ZNF679: variants seen among roughly 807,000 people sequenced by gnomAD.
The protein encoded by ZNF679 is hypothetical protein MGC42415.
A neutral mutation model predicts 13.4 loss-of-function variants in ZNF679; 10 were observed. That is an observed-to-expected ratio of 0.75 (90% CI 0.46 to 1.27). The LOEUF is 1.27. Ranked by LOEUF, ZNF679 falls within the 50% of genes most tolerant of loss-of-function variation. The pLI, the probability that ZNF679 is intolerant of heterozygous loss-of-function variation, is 0.00. For synonymous variants in ZNF679, 179 were observed against 162.5 expected, an observed-to-expected ratio of 1.10 and a Z score of -0.77; for missense variants, 525 against 477.8, an observed-to-expected ratio of 1.10 and a Z score of -0.92.
At chr7:64,246,037 T>C (rs1403095818) in intron 1 of ZNF679, among the ~76,000 whole-genome samples, 1 of 152,060 alleles carries the variant, frequency 6.6e-6, no homozygotes, top group Non-Finnish European at 1.5e-5. Flanking sequence ...AAGACAATAG[T>C]GGTTAAAGTT....
At chr7:64,236,652 C>T (rs939305693) in intron 1 of ZNF679, among the ~76,000 whole-genome samples, 20 of 151,678 alleles carry the variant, frequency 1.3e-4, no homozygotes, top group African/African-American at 4.4e-4. Flanking sequence ...GTGTAGTGCA[C>T]GCACTTGTAC....
chr7:64,250,346 T>G (rs929668445), intron 2 of ZNF679, among the ~76,000 whole-genome samples: 8 of 137,516 alleles, frequency 5.8e-5, no homozygotes, highest in Non-Finnish European at 1.2e-4. Flanking sequence ...CTCAGCTCAC[T>G]GCAACCTCCA....
intron 3 of ZNF679, among the ~76,000 whole-genome samples, 159 bp from the exon 4 acceptor site, chr7:64,260,675 C>G (rs528015708): frequency 6.6e-6 from 1 of 152,230 alleles, no homozygotes; most frequent in East Asian, 1.9e-4. Flanking sequence ...TAAGGACCTA[C>G]AAATTTAAAA....
intron 1 of ZNF679, among the ~76,000 whole-genome samples, chr7:64,237,072 C>T (rs1399975595): frequency 6.6e-6 from 1 of 152,030 alleles, no homozygotes; most frequent in East Asian, 1.9e-4. Flanking sequence ...CTGGTTAGGG[C>T]TACAGAGACT....
intron 4 of ZNF679, among the ~76,000 whole-genome samples, chr7:64,263,796 C>T (rs1455034891): frequency 1.3e-5 from 2 of 152,160 alleles, no homozygotes; most frequent in Non-Finnish European, 2.9e-5. Context: ...CTTGTACAGT[C>T]TACTCAACTG....
intron 1 of ZNF679, among the ~76,000 whole-genome samples, chr7:64,236,104 A>C (rs1017159209): frequency 3.3e-5 from 5 of 151,982 alleles, no homozygotes; most frequent in Non-Finnish European, 7.4e-5. Flanking sequence ...GTCTCTACTA[A>C]AAATACAAAA....
At chr7:64,247,056 T>G (rs1417043453) in intron 1 of ZNF679, among the ~76,000 whole-genome samples, 2 of 152,220 alleles carry the variant, frequency 1.3e-5, no homozygotes, top group African/African-American at 4.8e-5. Context: ...TGGCATTCGT[T>G]AACTGTCATG....
chr7:64,247,053 C>T (rs1438075618), intron 1 of ZNF679, among the ~76,000 whole-genome samples: 1 of 152,130 alleles, frequency 6.6e-6, no homozygotes, highest in East Asian at 1.9e-4. Flanking sequence ...CCATGGCATT[C>T]GTTAACTGTC....
chr7:64,238,447 G>A (rs1293676092), intron 1 of ZNF679, among the ~76,000 whole-genome samples: 3 of 152,100 alleles, frequency 2.0e-5, no homozygotes, highest in African/African-American at 7.2e-5. Context: ...GAGTGCAGTG[G>A]TGCGATCTCA....
At chr7:64,265,275 C>T (rs965235314) in intron 4 of ZNF679, among the ~76,000 whole-genome samples, 2 of 152,150 alleles carry the variant, frequency 1.3e-5, no homozygotes, top group Non-Finnish European at 2.9e-5. Flanking sequence ...GTCTCTCAAA[C>T]ATGTTCTCAG....
In ZNF679 at chr7:64,266,156, A is replaced by G. The variant is rs540363905; in HGVS notation, c.523A>G (p.Lys175Glu). ...CAAATTTTCAAATTCCAATAGACAT[A>G]AGACAAGACATACTGGAAAGAAACA... ...FGKFSNSNRH[K>E]TRHTGKKHFK... Residue 175 changes from lysine (K) to glutamate (E), a missense_variant, in exon 5 of 5, where the codon AAG (lysine) becomes GAG (glutamate). Physicochemically the swap from Lys to Glu is moderately conservative, Grantham distance 56. Transcript: ENST00000421025. 3.4e-4 allele frequency: 551 copies of G among 1,603,310 alleles called. 3 individuals carry two copies. Among genetic ancestry groups the G allele is most frequent in the Middle Eastern group, 1.8e-3 (11 of 6,052 alleles).
intron 2 of ZNF679, among the ~76,000 whole-genome samples, chr7:64,252,152 A>G (rs1229712088): frequency 2.0e-5 from 3 of 152,182 alleles, no homozygotes; most frequent in African/African-American, 7.2e-5. Context: ...AATGGTTGTC[A>G]TTGAGCATTT....
At chr7:64,238,191 ACTC>A (rs1787752377) in intron 1 of ZNF679, among the ~76,000 whole-genome samples, 1 of 151,448 alleles carries the variant, frequency 6.6e-6, no homozygotes, top group Non-Finnish European at 1.5e-5. Context: ...CAAACATACA[ACTC>A]CTCTTCATGT....
intron 2 of ZNF679, among the ~76,000 whole-genome samples, chr7:64,256,846 C>T (rs4718048): frequency 0.047 from 7,197 of 151,966 alleles, 463 homozygotes; most frequent in East Asian, 0.34. Flanking sequence ...TGCAGGCACC[C>T]GCCACCATGC....
rs552629733 is a variant in ZNF679, at chr7:64,252,268, T to G, written c.39+3112T>G. On this transcript the variant is annotated intron_variant, in intron 2 of 4. Coordinates refer to ENST00000421025, the MANE Select transcript of ZNF679 (RefSeq NM_153363.3). ...CAATCAGCACTGCCACTCCCTGGGT[T>G]GGTCACCTTGAAAAGATATTTTCAC... Among the ~76,000 whole-genome samples, 5 of 152,304 alleles carry G rather than the reference T, an allele frequency of 3.3e-5. No homozygotes were observed. In the East Asian group the frequency reaches 9.6e-4, roughly 29 times the overall value.
chr7:64,245,382 G>A (rs189527421), intron 1 of ZNF679, among the ~76,000 whole-genome samples: 227 of 150,422 alleles, frequency 1.5e-3, no homozygotes, highest in Admixed American at 5.1e-3. Flanking sequence ...GAAGATGGTG[G>A]CCCAGAGTAA....
intron 1 of ZNF679, among the ~76,000 whole-genome samples, chr7:64,230,699 G>A (rs1224935887): frequency 6.6e-6 from 1 of 152,130 alleles, no homozygotes; most frequent in African/African-American, 2.4e-5. Context: ...CACACCTGCA[G>A]GAATGTCCAG....
chr7:64,260,585 G>C (rs1788063377), intron 3 of ZNF679, among the ~76,000 whole-genome samples: 4 of 152,082 alleles, frequency 2.6e-5, no homozygotes, highest in Admixed American at 2.6e-4. Flanking sequence ...AAAATGTCAT[G>C]GCATAAAATA....
intron 1 of ZNF679, among the ~76,000 whole-genome samples, chr7:64,233,056 A>G (rs2116506179): frequency 6.6e-6 from 1 of 152,144 alleles, no homozygotes; most frequent in Middle Eastern, 3.4e-3. Flanking sequence ...GCTGGCCAAT[A>G]TGGTAAAAAC....
Sources: gnomAD v4.1 joint callset for allele counts (sites outside exome capture counted in the v4.1 genomes callset) on GRCh38, gnomAD v4.1.1 for gene constraint, MANE v1.5 for transcripts, NCBI Gene and HGNC (gene_info 2026-07-23, HGNC 2026-07-21) for gene names.